SNX16: variants seen among roughly 807,000 people sequenced by gnomAD.
SNX16 encodes sorting nexin 16.
A neutral mutation model predicts 36.7 loss-of-function variants in SNX16; 35 were observed. That is an observed-to-expected ratio of 0.95 (90% confidence interval 0.73 to 1.27). The LOEUF is 1.27. SNX16 is among the 50% of genes most tolerant of loss of function. SNX16 has a pLI of 0.00. For missense variants in SNX16, 367 were observed against 393.6 expected (o/e 0.93, Z 0.57); for synonymous variants, 134 against 132.0 (o/e 1.02, Z -0.10).
intron 5 of SNX16, among the ~76,000 whole-genome samples, chr8:81,807,048 A>C (rs531742009): frequency 1.7e-4 from 26 of 152,208 alleles, no homozygotes; most frequent in Non-Finnish European, 2.9e-4. Context: ...TTAAAATTCC[A>C]AACAAAATGG....
At chr8:81,827,625 C>A (rs1273957495) in intron 3 of SNX16, among the ~76,000 whole-genome samples, 1 of 152,006 alleles carries the variant, frequency 6.6e-6, no homozygotes, top group African/African-American at 2.4e-5. Flanking sequence ...GCATCTTAAC[C>A]AAATCTTAAA....
intron 2 of SNX16, among the ~76,000 whole-genome samples, chr8:81,834,371 AC>A (rs1456048087): frequency 1.3e-5 from 2 of 151,986 alleles, no homozygotes; most frequent in Non-Finnish European, 2.9e-5. Context: ...ATATCATTCC[AC>A]CCCTGGCCCC....
chr8:81,822,750 T>C (rs1810804007), intron 4 of SNX16, among the ~76,000 whole-genome samples: 1 of 151,738 alleles, frequency 6.6e-6, no homozygotes, highest in South Asian at 2.1e-4. Context: ...ATGTTTTAGG[T>C]TTGACGTAAT....
Position 81,801,612 on chromosome 8 carries a change from A to AAAGGAACAT in SNX16, c.939-20_939-19insATGTTCCTT. ...ATCAGCTCTGCAAAAAAAAAAAAAA[A>AAAGGAACAT]AGGAACATATCAATGATGGGACTGG... is the stretch of plus-strand genomic sequence containing the variant. On this transcript the variant is annotated intron_variant, in intron 7 of 7. Coordinates refer to ENST00000345957, the MANE Select transcript of SNX16 (RefSeq NM_152836.3). The AAAGGAACAT allele has an allele frequency of 7.1e-7, 1 of 1,409,240 alleles. No homozygotes were observed. Among genetic ancestry groups the AAAGGAACAT allele is most frequent in the East Asian group, 2.3e-5 (1 of 43,426 alleles). 87.3% of individuals were successfully genotyped at this position (1,409,240 alleles called of 1,614,324 possible). A position where few individuals can be genotyped will look rare whatever the true frequency, so the allele number is the denominator to read the frequency against.
intron 4 of SNX16, among the ~76,000 whole-genome samples, chr8:81,817,145 G>A (rs1484604498): frequency 6.6e-6 from 1 of 152,128 alleles, no homozygotes; most frequent in East Asian, 1.9e-4. Flanking sequence ...AAAGCAAACT[G>A]CTAAGAAACA....
intron 4 of SNX16, among the ~76,000 whole-genome samples, chr8:81,816,900 A>C (rs1329376523): frequency 6.6e-6 from 1 of 152,158 alleles, no homozygotes; most frequent in Non-Finnish European, 1.5e-5. Flanking sequence ...CTTCTCTCTG[A>C]AAACATCTGA....
intron 3 of SNX16, among the ~76,000 whole-genome samples, chr8:81,827,887 C>G (rs1420938705): frequency 6.6e-6 from 1 of 152,116 alleles, no homozygotes; most frequent in Non-Finnish European, 1.5e-5. Flanking sequence ...AGAGTAATTT[C>G]TGCATGTTCT....
chr8:81,835,941 C>A (rs565195506), intron 2 of SNX16, among the ~76,000 whole-genome samples: 1 of 152,330 alleles, frequency 6.6e-6, no homozygotes, highest in East Asian at 1.9e-4. Flanking sequence ...CCAATGATTG[C>A]CCCTTGTCCC....
At chr8:81,812,547 T>C (rs535223019) in intron 5 of SNX16, among the ~76,000 whole-genome samples, 11 of 152,160 alleles carry the variant, frequency 7.2e-5, no homozygotes, top group Non-Finnish European at 1.5e-4. Flanking sequence ...AAAAAATCTG[T>C]CAGTAAAACT....
At chr8:81,815,277 C>G in intron 5 of SNX16, 48 bp downstream of exon 5, 1 of 1,371,192 alleles carries the variant, frequency 7.3e-7, no homozygotes, top group Non-Finnish European at 1.0e-6. Flanking sequence ...AGTTATTGTA[C>G]TGCATTAATT....
chr8:81,808,451 C>A, intron 5 of SNX16: 1 of 1,067,794 alleles, frequency 9.4e-7, no homozygotes, highest in Non-Finnish European at 1.4e-6. Flanking sequence ...GTCATGGTGG[C>A]TTTGCTGACA....
At chr8:81,828,075 C>G (rs1385804037) in intron 3 of SNX16, among the ~76,000 whole-genome samples, 1 of 152,154 alleles carries the variant, frequency 6.6e-6, no homozygotes, top group Non-Finnish European at 1.5e-5. Flanking sequence ...TAATAATTTA[C>G]TTAATTCTTC....
At chr8:81,822,935 T>TATAC (rs1554546191) in intron 4 of SNX16, among the ~76,000 whole-genome samples, 2,076 of 101,804 alleles carry the variant, frequency 0.02, 59 homozygotes, top group African/African-American at 0.075. Context: ...TGTATATATA[T>TATAC]ATATACATAT....
At position 81,801,471 on chromosome 8, in the gene SNX16, A is replaced by C. The variant is rs1212744133; in HGVS notation, c.*26T>G. On this transcript the variant is annotated 3_prime_UTR_variant, in exon 8 of 8. Coordinates refer to ENST00000345957, the MANE Select transcript of SNX16 (RefSeq NM_152836.3). ...ACTCTTCTAAATTTTTGAATAGTCTAAATGGAGGGAACTGCTTGTGATACA... is the reference window on the plus strand; with the variant it reads ...ACTCTTCTAAATTTTTGAATAGTCTCAATGGAGGGAACTGCTTGTGATACA... 1 of 1,405,228 alleles carries C rather than the reference A, an allele frequency of 7.1e-7. No homozygotes were observed. Among genetic ancestry groups the C allele is most frequent in the African/African-American group, 1.4e-5 (1 of 69,262 alleles). The allele number at this position is 1,405,228 out of a possible 1,614,324, so 87.0% of individuals were successfully genotyped here.
At chr8:81,831,580 C>T (rs1048928458) in intron 2 of SNX16, among the ~76,000 whole-genome samples, 1 of 151,608 alleles carries the variant, frequency 6.6e-6, no homozygotes, top group African/African-American at 2.4e-5. Context: ...TGCCTGTAAT[C>T]CCAGCTACTC....
intron 3 of SNX16, 126 bp from the exon 4 acceptor site, chr8:81,824,066 T>A: frequency 1.1e-6 from 1 of 918,198 alleles, no homozygotes; most frequent in Non-Finnish European, 1.6e-6. Context: ...TAAATTCAGT[T>A]AAGCTTTTTA....
chr8:81,822,975 T>TAC (rs113354247), intron 4 of SNX16, among the ~76,000 whole-genome samples: 22 of 146,020 alleles, frequency 1.5e-4, no homozygotes, highest in East Asian at 1.2e-3. Flanking sequence ...TATATATATA[T>TAC]ACACATATGT....
intron 5 of SNX16, chr8:81,808,036 G>A: frequency 1.1e-6 from 1 of 895,152 alleles, no homozygotes; most frequent in Non-Finnish European, 1.9e-6. Context: ...ACCAAAGAGA[G>A]CTGTCTCAAG....
At chr8:81,814,490 G>A (rs542355341) in intron 5 of SNX16, among the ~76,000 whole-genome samples, 1 of 152,112 alleles carries the variant, frequency 6.6e-6, no homozygotes, top group South Asian at 2.1e-4. Context: ...CAGACTGACT[G>A]CAAAATGGCT....
Sources: allele counts gnomAD v4.1 joint callset (sites outside exome capture counted in the v4.1 genomes callset), GRCh38; gene constraint gnomAD v4.1.1; transcripts MANE v1.5; gene names NCBI Gene and HGNC (gene_info 2026-07-23, HGNC 2026-07-21).